Variants in HERC2 observed in about 807,000 individuals in gnomAD.
The protein encoded by HERC2 is E3 ubiquitin-protein ligase HERC2.
A neutral mutation model predicts 537.7 loss-of-function variants in HERC2; 102 were observed. That is an observed-to-expected ratio of 0.19 (90% CI 0.16 to 0.22). The LOEUF is 0.22. HERC2 is among the 10% of genes least tolerant of loss of function. The probability of loss-of-function intolerance (pLI) is 1.00; values close to 1 mark genes in which losing one functional copy is unlikely to be tolerated. For synonymous variants in HERC2, 2,224 were observed against 2,466.2 expected (o/e 0.90, Z 2.91); for missense variants, 4,236 against 6,198.2 (o/e 0.68, Z 10.63).
At chr15:28,160,494 C>T (rs924472641) in intron 69 of HERC2, among the ~76,000 whole-genome samples, 1 of 152,332 alleles carries the variant, frequency 6.6e-6, no homozygotes, top group South Asian at 2.1e-4. Context: ...GCTGTGCTAG[C>T]AATGAGCGAG....
chr15:28,177,323 ATCTAT>A lies in HERC2; in HGVS notation c.9254+91_9254+95del, dbSNP rs1895384903. The A allele has an allele frequency of 2.0e-5, 27 of 1,369,824 alleles. 1 individual carries two copies. The highest frequency in any genetic ancestry group is 1.6e-5 in the Non-Finnish European group (16 of 976,014). The allele number at this position is 1,369,824 out of a possible 1,614,324, so 84.9% of individuals were successfully genotyped here. A position where few individuals can be genotyped will look rare whatever the true frequency, so the allele number is the denominator to read the frequency against. On this transcript the variant is annotated intron_variant, in intron 60 of 92. Transcript: ENST00000261609. This position sits in a 1 kb window ranked among gnomAD's most constrained non-coding sequence, Gnocchi z 5.0. ...ATTTTGTTTAAGAACCATTTCTATA[ATCTAT>A]TCTATTCTAATTTTCTGCAAAATAA...
Position 28,146,315 on chromosome 15 carries a change from G to T in HERC2, c.10930C>A (p.Arg3644=). 1 of 1,613,936 alleles carries T rather than the reference G, an allele frequency of 6.2e-7. No individual in the cohort carries two copies. The highest frequency in any genetic ancestry group is 1.3e-5 in the African/African-American group (1 of 74,986). ...TGGCGCCTCTCTGTGGAGCACTGCC[G>T]GTCAAATTCTACCCTGAGTCCTTCT... ...GAEGLRVEFD[R]QCSTERRHDP... The change falls in exon 71 of 93, where the codon CGG becomes AGG. Residue 3644 remains arginine, a synonymous_variant. Transcript: ENST00000261609.
At chr15:28,139,111 T>G (rs183775782) in intron 78 of HERC2, among the ~76,000 whole-genome samples, 11 of 152,376 alleles carry the variant, frequency 7.2e-5, no homozygotes, top group Admixed American at 6.5e-4. Flanking sequence ...TGTGACATGC[T>G]TTGCGAAGAC....
chr15:28,144,846 C>T (rs191626850), intron 71 of HERC2, 42 bp from the exon 72 acceptor site: 308 of 1,612,856 alleles, frequency 1.9e-4, no homozygotes, highest in Middle Eastern at 3.3e-4. Flanking sequence ...TTCACTCCAT[C>T]ATCCAATCAA....
At chr15:28,146,613 A>C (rs1373933496) in intron 70 of HERC2, among the ~76,000 whole-genome samples, 14,865 of 96,518 alleles carry the variant, frequency 0.15, 458 homozygotes, top group Admixed American at 0.25. Context: ...TACTGCAACC[A>C]CACTCCCCTG....
At chr15:28,284,072 T>C (rs1396745172) in intron 4 of HERC2, among the ~76,000 whole-genome samples, 6 of 152,210 alleles carry the variant, frequency 3.9e-5, no homozygotes, top group African/African-American at 1.2e-4. Flanking sequence ...ATTTTGTGCA[T>C]GAAACAAAGT....
chr15:28,124,358 T>C, intron 84 of HERC2, 124 bp from the exon 85 acceptor site: 2 of 573,590 alleles, frequency 3.5e-6, no homozygotes, highest in Non-Finnish European at 5.5e-6. Context: ...GTGTCTGAGT[T>C]TGGTTTGCAC....
At chr15:28,249,546 G>A (rs1438445038) in intron 20 of HERC2, among the ~76,000 whole-genome samples, 3 of 152,194 alleles carry the variant, frequency 2.0e-5, no homozygotes, top group Non-Finnish European at 4.4e-5. Context: ...AAGCAAGGGA[G>A]AGACAGTGCA....
At chr15:28,219,515 C>T (rs1900290887) in intron 37 of HERC2, among the ~76,000 whole-genome samples, 1 of 152,210 alleles carries the variant, frequency 6.6e-6, no homozygotes, top group Non-Finnish European at 1.5e-5. Context: ...ATATACATCG[C>T]TCCTAACAGG....
intron 26 of HERC2, among the ~76,000 whole-genome samples, chr15:28,236,572 T>C (rs1902486537): frequency 6.6e-6 from 1 of 151,802 alleles, no homozygotes; most frequent in Admixed American, 6.6e-5. Context: ...ATTACAGGCA[T>C]GAGCCACTGC....
chr15:28,168,712 A>G, intron 66 of HERC2, 122 bp from the exon 67 acceptor site: 2 of 788,480 alleles, frequency 2.5e-6, no homozygotes, highest in East Asian at 2.9e-5. Context: ...TACATGTAGA[A>G]GAGTTTTGGA....
Position 28,268,664 on chromosome 15 carries a change from A to G in HERC2, c.1447-48T>C. The G allele has an allele frequency of 6.6e-7, 1 of 1,519,120 alleles. No homozygotes were observed. The highest frequency in any genetic ancestry group is 9.0e-7 in the Non-Finnish European group (1 of 1,109,192). The allele number at this position is 1,519,120 out of a possible 1,614,324, so 94.1% of individuals were successfully genotyped here. ...AAAAGTAGTCATCAGTCCAAGGAAAATGAAACCAGCTCAGCTCTCCGTTAT... is the reference window on the plus strand; with the variant it reads ...AAAAGTAGTCATCAGTCCAAGGAAAGTGAAACCAGCTCAGCTCTCCGTTAT... On this transcript the variant is annotated intron_variant, in intron 11 of 92. Transcript: ENST00000261609. The surrounding 1 kb of genome is among the most constrained non-coding windows in gnomAD (Gnocchi z 4.7).
chr15:28,128,698 C>T (rs1430647563), intron 83 of HERC2, among the ~76,000 whole-genome samples: 2 of 152,224 alleles, frequency 1.3e-5, no homozygotes, highest in African/African-American at 2.4e-5. Context: ...CCCCACAGCC[C>T]GGCTGGCTTA....
intron 2 of HERC2, among the ~76,000 whole-genome samples, chr15:28,301,748 T>C (rs1178732816): frequency 2.1e-5 from 2 of 93,720 alleles, no homozygotes; most frequent in Admixed American, 9.3e-5. Flanking sequence ...TATATATATA[T>C]ATATATATAT....
At chr15:28,295,910 T>C (rs1273117250) in intron 3 of HERC2, among the ~76,000 whole-genome samples, 1 of 152,094 alleles carries the variant, frequency 6.6e-6, no homozygotes, top group South Asian at 2.1e-4. Context: ...TAGGGTCCAC[T>C]GAGACCTTAA....
At chr15:28,251,256 A>G (rs2075069292) in intron 20 of HERC2, among the ~76,000 whole-genome samples, 1 of 152,074 alleles carries the variant, frequency 6.6e-6, no homozygotes, top group Non-Finnish European at 1.5e-5. Context: ...CACCCCAGCC[A>G]ACATGGGGAA....
chr15:28,189,271 A>C (rs1392779937), intron 55 of HERC2, among the ~76,000 whole-genome samples: 1 of 152,188 alleles, frequency 6.6e-6, no homozygotes, highest in Non-Finnish European at 1.5e-5. Flanking sequence ...ACATACACTA[A>C]GTATCACAGG....
intron 89 of HERC2, 112 bp downstream of exon 89, chr15:28,115,317 G>A (rs1888104980): frequency 9.1e-6 from 5 of 549,522 alleles, no homozygotes; most frequent in South Asian, 2.8e-5. Flanking sequence ...CAGCCTCTGC[G>A]TCACCTGGGC....
In HERC2 at chr15:28,167,840, T is replaced by G. The variant is rs373416507; in HGVS notation, c.10414-13A>C. On this transcript the variant is annotated splice_polypyrimidine_tract_variant and intron_variant, in intron 67 of 92. Transcript: ENST00000261609. ...CAGAGGAAACAATCTAGTCCAAGAG[T>G]GCACAGTAGGGGAAGTTTAAGTGGA... 4.4e-6 allele frequency: 7 copies of G among 1,596,498 alleles called. No individual in the cohort carries two copies. The highest frequency in any genetic ancestry group is 5.1e-6 in the Non-Finnish European group (6 of 1,173,890).
Sources: gnomAD v4.1 joint callset for allele counts (sites outside exome capture counted in the v4.1 genomes callset) on GRCh38, gnomAD v4.1.1 for gene constraint, Gnocchi (gnomAD v3.1) non-coding constraint, MANE v1.5 for transcripts, NCBI Gene and HGNC (gene_info 2026-07-23, HGNC 2026-07-21) for gene names.